Variants in LYST observed in about 807,000 individuals in gnomAD.
LYST encodes the protein lysosomal trafficking regulator, also known as lysosomal-trafficking regulator.
A neutral mutation model predicts 413.6 loss-of-function variants in LYST; 192 were observed. That is an observed-to-expected ratio of 0.46 (90% CI 0.41 to 0.52). LYST has a LOEUF of 0.52. LYST is among the 20% of genes least tolerant of loss of function. The pLI, the probability that LYST is intolerant of heterozygous loss-of-function variation, is 0.00. For synonymous variants in LYST, 1,525 were observed against 1,567.3 expected (o/e 0.97, Z 0.64); for missense variants, 3,815 against 4,499.9 (o/e 0.85, Z 4.35).
intron 50 of LYST, among the ~76,000 whole-genome samples, chr1:235,667,364 A>C (rs949867362): frequency 6.6e-6 from 1 of 152,208 alleles, no homozygotes; most frequent in African/African-American, 2.4e-5. Flanking sequence ...GTAAACACAC[A>C]TACAACCCCC....
intron 44 of LYST, among the ~76,000 whole-genome samples, chr1:235,706,652 A>AT (rs560778476): frequency 4.9e-4 from 74 of 152,246 alleles, no homozygotes; most frequent in African/African-American, 1.6e-3. Context: ...AAAAGAAGGC[A>AT]TTTTTTCTCC....
intron 8 of LYST, 61 bp from the exon 9 acceptor site, chr1:235,801,158 ATT>A: frequency 5.5e-6 from 6 of 1,093,688 alleles, no homozygotes; most frequent in Non-Finnish European, 8.4e-6. Context: ...TTCAAACTTC[ATT>A]AATCATTTAG....
rs553383687 is a variant in LYST at position 235,787,197 on chromosome 1, T to C, written c.4862+3A>G. 10 of 1,611,890 alleles carry C rather than the reference T, an allele frequency of 6.2e-6. No individual in the cohort carries two copies. The highest frequency in any genetic ancestry group is 8.5e-6 in the Non-Finnish European group (10 of 1,178,040). ...AGATGCATTTTCTCAAAATGCTTCCTACCTCTGTCCAGAGACCCATATGGA... is the reference window on the plus strand; with the variant it reads ...AGATGCATTTTCTCAAAATGCTTCCCACCTCTGTCCAGAGACCCATATGGA... On this transcript the variant is annotated splice_donor_region_variant and intron_variant, in intron 14 of 52. Coordinates refer to ENST00000389793, the MANE Select transcript of LYST (RefSeq NM_000081.4).
Position 235,693,456 on chromosome 1 carries a change from T to G in LYST, c.10595A>C (p.Gln3532Pro). The G allele has an allele frequency of 6.2e-7, 1 of 1,613,714 alleles. No homozygotes were observed. The highest frequency in any genetic ancestry group is 8.5e-7 in the Non-Finnish European group (1 of 1,179,636). Reference protein sequence around the residue: ...GVRSMNSTDIQWSAILSWGYA... With the variant: ...GVRSMNSTDIPWSAILSWGYA... Reference sequence around the variant, plus strand: ...TCCCCAGCTCAGGATGGCTGACCACTGAATGTCCGTACTGTTCATGCTTCT... The same window carrying G: ...TCCCCAGCTCAGGATGGCTGACCACGGAATGTCCGTACTGTTCATGCTTCT... Residue 3532 changes from glutamine (Q) to proline (P), a missense_variant, in exon 47 of 53, where the codon CAG (glutamine) becomes CCG (proline). Gln to Pro is a moderately conservative substitution (Grantham distance 76). Coordinates refer to ENST00000389793, the MANE Select transcript of LYST (RefSeq NM_000081.4).
chr1:235,734,872 A>T (rs1435102203), intron 31 of LYST: 5 of 416,934 alleles, frequency 1.2e-5, no homozygotes, highest in Non-Finnish European at 2.1e-5. Context: ...GTTAGATGTA[A>T]TAATGTTATG....
chr1:235,773,711 T>G, intron 19 of LYST, 131 bp downstream of exon 19: 1 of 722,464 alleles, frequency 1.4e-6, no homozygotes, highest in Non-Finnish European at 2.4e-6. Flanking sequence ...TGGATGGTGG[T>G]GATGGTTGGA....
At chr1:235,767,455 C>A (rs1558213984) in intron 20 of LYST, among the ~76,000 whole-genome samples, 1 of 152,062 alleles carries the variant, frequency 6.6e-6, no homozygotes, top group Non-Finnish European at 1.5e-5. Context: ...CATAGATCTC[C>A]CGACTTCCAA....
chr1:235,707,517 G>C (rs1662085186), intron 44 of LYST, among the ~76,000 whole-genome samples: 1 of 152,064 alleles, frequency 6.6e-6, no homozygotes, highest in South Asian at 2.1e-4. Flanking sequence ...CAACTCCTTG[G>C]GAGGCTGAGG....
intron 44 of LYST, among the ~76,000 whole-genome samples, chr1:235,706,400 T>G (rs1049488116): frequency 1.3e-5 from 2 of 152,188 alleles, no homozygotes; most frequent in African/African-American, 4.8e-5. Context: ...ATTCCCCTGG[T>G]TAATCACACT....
chr1:235,841,634 G>A (rs1046596150), intron 1 of LYST, among the ~76,000 whole-genome samples: 4 of 152,124 alleles, frequency 2.6e-5, no homozygotes, highest in Non-Finnish European at 5.9e-5. Flanking sequence ...AATGAATGAA[G>A]GACAAAATTC....
intron 1 of LYST, among the ~76,000 whole-genome samples, chr1:235,871,926 G>A (rs1680942732): frequency 6.6e-6 from 1 of 152,144 alleles, no homozygotes; most frequent in Admixed American, 6.6e-5. Context: ...ACCCTCCCAG[G>A]GTTCCTGGCT....
chr1:235,737,915 G>GATCT lies in LYST; in HGVS notation c.8359-3257_8359-3256insAGAT. 1.2e-5 allele frequency: 14 copies of GATCT among 1,160,564 alleles called. No individual in the cohort carries two copies. In the Admixed American group the frequency reaches 1.3e-4, roughly 11 times the overall value. 71.9% of individuals were successfully genotyped at this position (1,160,564 alleles called of 1,614,324 possible). On this transcript the variant is annotated intron_variant, in intron 31 of 52. Transcript: ENST00000389793. The stretch of plus-strand genomic sequence containing the variant: ...CGAAGGTGCTGGAGCCGCTGCCGAC[G>GATCT]AGTCTGGATCTCACTGCCGCGTGCC...
chr1:235,806,165 G>T lies in LYST; in HGVS notation c.2971C>A (p.His991Asn), dbSNP rs864309530. 5 of 1,613,590 alleles carry T rather than the reference G, an allele frequency of 3.1e-6. No homozygotes were observed. The South Asian group carries it at 3.3e-5, about 11-fold the overall frequency. Reference protein sequence around the residue: ...FYRLGGFRVCHKLIFMIIQKL... With the variant: ...FYRLGGFRVCNKLIFMIIQKL... ...TGTATTATCATAAATATTAACTTAT[G>T]GCATACTCGGAAACCACCAAGCCTA... The change falls in exon 6 of 53, where the codon CAT becomes AAT. Residue 991 changes from histidine to asparagine, a missense_variant. His to Asn is a moderately conservative substitution (Grantham distance 68). Coordinates refer to ENST00000389793, the MANE Select transcript of LYST (RefSeq NM_000081.4).
chr1:235,827,754 G>GA, intron 3 of LYST: 2 of 952,880 alleles, frequency 2.1e-6, no homozygotes, highest in Non-Finnish European at 2.5e-6. Context: ...ACCACCACAG[G>GA]AAAAAAATAT....
intron 23 of LYST, among the ~76,000 whole-genome samples, 192 bp from the exon 24 acceptor site, chr1:235,757,650 A>ATAGTCTACTAACAC (rs1439437124): frequency 6.6e-6 from 1 of 152,210 alleles, no homozygotes; most frequent in Non-Finnish European, 1.5e-5. Flanking sequence ...TTTTGGGCAT[A>ATAGTCTACTAACAC]TAGTCTACTA....
intron 2 of LYST, among the ~76,000 whole-genome samples, chr1:235,831,294 G>T (rs74490024): frequency 1.3e-5 from 2 of 152,154 alleles, no homozygotes; most frequent in African/African-American, 4.8e-5. Flanking sequence ...CTTGCCAAGA[G>T]GCACAGTCAA....
chr1:235,846,635 G>A (rs548507113), intron 1 of LYST, among the ~76,000 whole-genome samples: 1 of 152,028 alleles, frequency 6.6e-6, no homozygotes, highest in Admixed American at 6.5e-5. Flanking sequence ...GATATAAGAA[G>A]TGAAGGGAGA....
chr1:235,712,003 C>T (rs905766109), intron 43 of LYST, 54 bp downstream of exon 43: 2 of 1,402,598 alleles, frequency 1.4e-6, no homozygotes, highest in Non-Finnish European at 1.9e-6. Flanking sequence ...TGGAAAATTA[C>T]AAAATAACCA....
chr1:235,708,206 A>C (rs1169388370), intron 44 of LYST, among the ~76,000 whole-genome samples: 1 of 152,154 alleles, frequency 6.6e-6, no homozygotes, highest in African/African-American at 2.4e-5. Flanking sequence ...TAGAAGTCTA[A>C]AGGTGCTTTC....
Sources: gnomAD v4.1 joint callset for allele counts (sites outside exome capture counted in the v4.1 genomes callset) on GRCh38, gnomAD v4.1.1 for gene constraint, MANE v1.5 for transcripts, NCBI Gene and HGNC (gene_info 2026-07-23, HGNC 2026-07-21) for gene names.